The following CCDC7 variants were observed in gnomAD, a reference collection of about 807,000 sequenced individuals.
CCDC7 encodes coiled-coil domain containing 7, also known as coiled-coil domain-containing protein 7.
CCDC7 carries 183 observed loss-of-function variants against 196.9 expected under a neutral mutation model. That is an observed-to-expected ratio of 0.93 (90% CI 0.82 to 1.05). The LOEUF (loss-of-function observed/expected upper bound fraction) is 1.05, where lower values mean the gene tolerates loss of function less well. CCDC7 is among the 50% of genes least tolerant of loss of function. The pLI is 0.00. For synonymous variants in CCDC7, 525 were observed against 484.6 expected, an observed-to-expected ratio of 1.08 and a Z score of -1.10; for missense variants, 1,540 against 1,482.2, an observed-to-expected ratio of 1.04 and a Z score of -0.64.
At chr10:32,716,651 C>T (rs1459442370) in intron 25 of CCDC7, among the ~76,000 whole-genome samples, 1 of 152,068 alleles carries the variant, frequency 6.6e-6, no homozygotes, top group Non-Finnish European at 1.5e-5. Flanking sequence ...TTCAGGAGAT[C>T]CAATTCATAT....
intron 15 of CCDC7, among the ~76,000 whole-genome samples, chr10:32,570,712 G>A (rs2057431559): frequency 6.6e-6 from 1 of 152,300 alleles, no homozygotes; most frequent in South Asian, 2.1e-4. Context: ...TGGAGGAGAT[G>A]CACATTCTTT....
At chr10:32,536,376 C>T (rs1469745614) in intron 11 of CCDC7, among the ~76,000 whole-genome samples, 2 of 152,114 alleles carry the variant, frequency 1.3e-5, no homozygotes, top group Non-Finnish European at 2.9e-5. Context: ...TGCATCATTT[C>T]CATGCCACCT....
chr10:32,590,915 T>C (rs1446187905), intron 18 of CCDC7, among the ~76,000 whole-genome samples: 1 of 152,190 alleles, frequency 6.6e-6, no homozygotes, highest in African/African-American at 2.4e-5. Flanking sequence ...GGATTCTTTC[T>C]TTATCCTTGA....
intron 41 of CCDC7, among the ~76,000 whole-genome samples, chr10:32,872,398 T>C (rs1180666633): frequency 6.6e-6 from 1 of 151,898 alleles, no homozygotes; most frequent in Admixed American, 6.6e-5. Flanking sequence ...TTCGTAGATC[T>C]TCCTCCATCC....
At chr10:32,564,001 G>A (rs2056301505) in intron 13 of CCDC7, among the ~76,000 whole-genome samples, 1 of 152,144 alleles carries the variant, frequency 6.6e-6, no homozygotes, top group African/African-American at 2.4e-5. Flanking sequence ...GACATGAGCA[G>A]ACACTTCTCA....
intron 28 of CCDC7, among the ~76,000 whole-genome samples, chr10:32,770,465 T>C (rs1218183106): frequency 6.6e-6 from 1 of 152,194 alleles, no homozygotes; most frequent in Non-Finnish European, 1.5e-5. Context: ...TTATTCTTTG[T>C]GGTCTGAGAA....
intron 23 of CCDC7, among the ~76,000 whole-genome samples, chr10:32,691,890 G>A (rs1365163496): frequency 1.3e-5 from 2 of 152,208 alleles, no homozygotes; most frequent in Non-Finnish European, 2.9e-5. Context: ...GTTCCCAACT[G>A]AGGAAGGAGA....
chr10:32,730,699 T>C (rs2083815832), intron 28 of CCDC7, among the ~76,000 whole-genome samples: 1 of 151,732 alleles, frequency 6.6e-6, no homozygotes, highest in Non-Finnish European at 1.5e-5. Flanking sequence ...ATATAGTAAT[T>C]AACATATATT....
chr10:32,845,126 A>G, intron 33 of CCDC7, 117 bp from the exon 35 acceptor site: 5 of 537,898 alleles, frequency 9.3e-6, no homozygotes, highest in Non-Finnish European at 1.6e-5. Flanking sequence ...CCAATATGTT[A>G]GTATTATATA....
chr10:32,683,694 T>C (rs1409937749), intron 21 of CCDC7, among the ~76,000 whole-genome samples: 1 of 152,200 alleles, frequency 6.6e-6, no homozygotes, highest in Admixed American at 6.5e-5. Context: ...TCTTTCACCC[T>C]GCTGGTGAGT....
At chr10:32,680,466 A>G (rs992427005) in intron 21 of CCDC7, among the ~76,000 whole-genome samples, 1 of 151,916 alleles carries the variant, frequency 6.6e-6, no homozygotes, top group Non-Finnish European at 1.5e-5. Context: ...GTTCTAGAGT[A>G]CATGTGCACA....
rs149191354 is a variant in CCDC7 at position 32,482,168 on chromosome 10, G to A, written c.796+8145G>A. ...TTGATGCTGTCCCATAAATCCTGTA[G>A]GCTTTATTTATTTTATTTTTCAGAA... On this transcript the variant is annotated intron_variant, in intron 8 of 41. Transcript: ENST00000639629. 6.1e-3 allele frequency among the ~76,000 whole-genome samples: 908 copies of A among 147,666 alleles called. 5 individuals carry two copies. Among genetic ancestry groups the A allele is most frequent in the Non-Finnish European group, 9.5e-3 (633 of 66,352 alleles).
At chr10:32,704,255 G>A (rs773714788) in intron 24 of CCDC7, among the ~76,000 whole-genome samples, 1 of 152,152 alleles carries the variant, frequency 6.6e-6, no homozygotes, top group Non-Finnish European at 1.5e-5. Flanking sequence ...CAGGTCTGTT[G>A]GAGTTTGCCG....
intron 30 of CCDC7, 49 bp downstream of exon 31, chr10:32,805,147 C>A: frequency 1.4e-6 from 2 of 1,387,178 alleles, no homozygotes; most frequent in Non-Finnish European, 2.0e-6. Context: ...TTTTCTCCTT[C>A]AAAGTTTAAG....
At chr10:32,718,481 C>T (rs184235391) in intron 25 of CCDC7, among the ~76,000 whole-genome samples, 1 of 152,258 alleles carries the variant, frequency 6.6e-6, no homozygotes, top group African/African-American at 2.4e-5. Flanking sequence ...GATGCCCTCT[C>T]TCACCACTCC....
chr10:32,677,755 G>C (rs1000924590), intron 21 of CCDC7, among the ~76,000 whole-genome samples: 1 of 151,420 alleles, frequency 6.6e-6, no homozygotes, highest in East Asian at 1.9e-4. Flanking sequence ...TTCCTCCTCA[G>C]ATTTGAAAAA....
chr10:32,569,015 A>G (rs2057234890), intron 15 of CCDC7, among the ~76,000 whole-genome samples: 1 of 152,216 alleles, frequency 6.6e-6, no homozygotes, highest in Non-Finnish European at 1.5e-5. Context: ...TTCATATATG[A>G]CAGAAAAAGT....
chr10:32,555,435 G>C (rs1314994532), intron 13 of CCDC7, among the ~76,000 whole-genome samples: 2 of 151,954 alleles, frequency 1.3e-5, no homozygotes, highest in African/African-American at 4.8e-5. Context: ...TAGTAGAGGC[G>C]GGGTTTCACC....
intron 15 of CCDC7, 88 bp downstream of exon 16, chr10:32,567,979 T>C (rs1362387993): frequency 1.5e-6 from 2 of 1,311,996 alleles, no homozygotes; most frequent in East Asian, 2.7e-5. Flanking sequence ...GTATATGTTA[T>C]TTAAAAATTC....
Sources: allele counts gnomAD v4.1 joint callset (sites outside exome capture counted in the v4.1 genomes callset), GRCh38; gene constraint gnomAD v4.1.1; transcripts MANE v1.5; gene names NCBI Gene and HGNC (gene_info 2026-07-23, HGNC 2026-07-21).